The following GGA2 variants were observed in gnomAD, a reference collection of about 807,000 sequenced individuals.
GGA2 encodes ADP-ribosylation factor-binding protein GGA2.
Under a neutral mutation model 79.5 loss-of-function variants are expected in GGA2, and 48 were observed. The ratio of observed to expected loss-of-function variants is 0.60; its 90% CI spans 0.48 to 0.77. The LOEUF is 0.77. Among genes scored for constraint, GGA2 ranks in the 30% least tolerant of loss-of-function variants. The pLI, the probability that GGA2 is intolerant of heterozygous loss-of-function variation, is 0.00. For synonymous variants in GGA2, 317 were observed against 302.0 expected (o/e 1.05, Z -0.51); for missense variants, 770 against 774.0 (o/e 0.99, Z 0.06).
Position 23,510,384 on chromosome 16 carries a change from C to T in GGA2, c.28G>A (p.Val10Met). 7.1e-7 allele frequency: 1 copy of T among 1,407,614 alleles called. No individual in the cohort carries two copies. The highest frequency in any genetic ancestry group is 9.3e-7 in the Non-Finnish European group (1 of 1,079,532). The allele number at this position is 1,407,614 out of a possible 1,614,324, so 87.2% of individuals were successfully genotyped here. A position where few individuals can be genotyped will look rare whatever the true frequency, so the allele number is the denominator to read the frequency against. MAATAVAAA[V>M]AGTESAQGPP... Reference sequence around the variant, plus strand: ...CCCTGGGCCGACTCGGTTCCCGCCACAGCCGCCGCCACCGCGGTCGCCGCC... The same window carrying T: ...CCCTGGGCCGACTCGGTTCCCGCCATAGCCGCCGCCACCGCGGTCGCCGCC... The change falls in exon 1 of 17, where the codon GTG (valine) becomes ATG (methionine). Residue 10 changes from valine to methionine, a missense_variant. By Grantham distance (21) the Val-to-Met change is conservative. Transcript: ENST00000309859.
chr16:23,488,591 G>T lies in GGA2; in HGVS notation c.579+15C>A. ...AAAAGGTCTGATCAGACACCATGTAGGTCTGTTTCCTTACCTTGGACTTTT... is the reference window on the plus strand; with the variant it reads ...AAAAGGTCTGATCAGACACCATGTATGTCTGTTTCCTTACCTTGGACTTTT... On this transcript the variant is annotated intron_variant, in intron 6 of 16. Transcript: ENST00000309859. The T allele has an allele frequency of 2.1e-6, 3 of 1,407,016 alleles. No individual in the cohort carries two copies. The highest frequency in any genetic ancestry group is 3.0e-6 in the Non-Finnish European group (3 of 990,998). 87.2% of individuals were successfully genotyped at this position (1,407,016 alleles called of 1,614,324 possible). A position where few individuals can be genotyped will look rare whatever the true frequency, so the allele number is the denominator to read the frequency against.
At chr16:23,501,525 G>C in intron 1 of GGA2, 2 of 351,530 alleles carry the variant, frequency 5.7e-6, no homozygotes, top group South Asian at 4.5e-5. Flanking sequence ...TTTCTATTTA[G>C]TTTTCCTCAC....
intron 2 of GGA2, among the ~76,000 whole-genome samples, chr16:23,516,836 T>C (rs1163222040): frequency 6.6e-6 from 1 of 152,106 alleles, no homozygotes; most frequent in Non-Finnish European, 1.5e-5. Context: ...ACTTAGGAGT[T>C]TCCTTGCTGT....
chr16:23,491,850 AC>A (rs1324670763), intron 4 of GGA2, 50 bp from the exon 5 acceptor site: 1 of 1,335,750 alleles, frequency 7.5e-7, no homozygotes. Context: ...GACTTGGGAG[AC>A]CGACACTTTA....
chr16:23,474,062 A>C (rs1443300697), intron 14 of GGA2, among the ~76,000 whole-genome samples: 6 of 152,008 alleles, frequency 3.9e-5, no homozygotes, highest in Non-Finnish European at 8.8e-5. Context: ...GACGGTAGGC[A>C]CCTTAATTAG....
upstream of GGA2, among the ~76,000 whole-genome samples, chr16:23,512,452 C>T (rs1328812095): frequency 1.3e-5 from 2 of 152,136 alleles, no homozygotes; most frequent in African/African-American, 4.8e-5. Context: ...CTTCTTAGAC[C>T]ATAGGTACGT....
At chr16:23,500,285 A>G (rs1180348684) in intron 1 of GGA2, among the ~76,000 whole-genome samples, 1 of 152,210 alleles carries the variant, frequency 6.6e-6, no homozygotes, top group Non-Finnish European at 1.5e-5. Context: ...CTTGGAAGCA[A>G]GGGAAGGCCC....
At chr16:23,485,669 C>G (rs1280572935) in intron 8 of GGA2, among the ~76,000 whole-genome samples, 2 of 152,174 alleles carry the variant, frequency 1.3e-5, no homozygotes, top group East Asian at 1.9e-4. Flanking sequence ...CGGGACAGTA[C>G]CCGGCAATAA....
Position 23,495,063 on chromosome 16 carries a change from G to A in GGA2, c.176+631C>T, listed in dbSNP as rs1372910749. Among the ~76,000 whole-genome samples the A allele has an allele frequency of 4.0e-5, 6 of 148,254 alleles. No homozygotes were observed. In the Admixed American group the frequency reaches 4.1e-4, roughly 10 times the overall value. ...TCGTGCCCTTGCACTCCAGTCTTGAGACACTCTGTCTCAGGAAAAAAAAAA... is the reference window on the plus strand; with the variant it reads ...TCGTGCCCTTGCACTCCAGTCTTGAAACACTCTGTCTCAGGAAAAAAAAAA... On this transcript the variant is annotated intron_variant, in intron 2 of 16. Coordinates refer to ENST00000309859, the MANE Select transcript of GGA2 (RefSeq NM_015044.4).
chr16:23,510,990 T>A (rs1408229032), upstream of GGA2, among the ~76,000 whole-genome samples: 1 of 126,924 alleles, frequency 7.9e-6, no homozygotes, highest in Non-Finnish European at 1.7e-5. Flanking sequence ...GGTCTCGAAC[T>A]CCTGGTGTTA....
At chr16:23,478,160 C>G (rs1964598349) in intron 13 of GGA2, among the ~76,000 whole-genome samples, 1 of 146,362 alleles carries the variant, frequency 6.8e-6, no homozygotes. Context: ...GATTGTGCCA[C>G]TGCACTCTAG....
At chr16:23,474,361 C>CT (rs758060139) in intron 14 of GGA2, among the ~76,000 whole-genome samples, 146 of 145,776 alleles carry the variant, frequency 1.0e-3, no homozygotes, top group East Asian at 3.0e-3. Context: ...AAGAAGCAAA[C>CT]TTTTTTTTTT....
At chr16:23,523,767 G>T (rs1272759963), upstream of GGA2, 3 of 152,328 alleles carry the variant, frequency 2.0e-5, no homozygotes, top group Admixed American at 1.3e-4. Context: ...ACTTAAATGA[G>T]GCTGGTTAAA....
chr16:23,491,808 TA>T lies in GGA2; in HGVS notation c.352-9del. On this transcript the variant is annotated splice_polypyrimidine_tract_variant and intron_variant, in intron 4 of 16. Coordinates refer to ENST00000309859, the MANE Select transcript of GGA2 (RefSeq NM_015044.4). ...GGCCCAGGACCCCAGGTACTGAAAG[TA>T]AAAAGGAAAGAGAATTCTAGAGCTG... The T allele has an allele frequency of 6.2e-7, 1 of 1,601,564 alleles. No individual in the cohort carries two copies. The highest frequency in any genetic ancestry group is 8.5e-7 in the Non-Finnish European group (1 of 1,169,804).
Position 23,465,596 on chromosome 16 carries a change from CATT to C in GGA2, c.*1991_*1993del, listed in dbSNP as rs1333398330. ...AAAACCCTTCAGAGGGAGATGCTGT[CATT>C]ATGATGGGTACCTCTTCAAGACTAC... On this transcript the variant is annotated 3_prime_UTR_variant, in exon 17 of 17. Coordinates refer to ENST00000309859, the MANE Select transcript of GGA2 (RefSeq NM_015044.4). 11 of 598,392 alleles carry C rather than the reference CATT, an allele frequency of 1.8e-5. No homozygotes were observed. The African/African-American group carries it at 1.9e-4, about 10-fold the overall frequency. The allele number at this position is 598,392 out of a possible 1,614,324, so 37.1% of individuals were successfully genotyped here.
In GGA2 at chr16:23,472,382, G is replaced by C. The variant is rs142462535; in HGVS notation, c.1451-2217C>G. 8.2e-3 allele frequency among the ~76,000 whole-genome samples: 1,245 copies of C among 151,508 alleles called. 13 individuals carry two copies. Among genetic ancestry groups the C allele is most frequent in the Admixed American group, 0.014 (208 of 15,208 alleles). ...CTAATTTTTTTTGTAGTTTTTAGTA[G>C]AGACAGGGTTTCACCATGTTGGCCA... On this transcript the variant is annotated intron_variant, in intron 14 of 16. Transcript: ENST00000309859.
chr16:23,469,611 T>C (rs1368425328), intron 15 of GGA2: 1 of 158,092 alleles, frequency 6.3e-6, no homozygotes, highest in Non-Finnish European at 1.4e-5. Context: ...ACAAGCCCAA[T>C]CAGAGCCCTT....
chr16:23,500,724 G>C (rs1164446732), intron 1 of GGA2, among the ~76,000 whole-genome samples: 1 of 152,268 alleles, frequency 6.6e-6, no homozygotes, highest in Non-Finnish European at 1.5e-5. Context: ...CGCAGGCGGA[G>C]GTGGCAGTAG....
chr16:23,475,943 GAAAAAAAC>G (rs1326216868), intron 13 of GGA2, among the ~76,000 whole-genome samples: 1 of 67,206 alleles, frequency 1.5e-5, no homozygotes, highest in Admixed American at 1.6e-4. Context: ...AAAAAAAAAA[GAAAAAAAC>G]AAAAGCACTT....
Sources: gnomAD v4.1 joint callset for allele counts (sites outside exome capture counted in the v4.1 genomes callset) on GRCh38, gnomAD v4.1.1 for gene constraint, MANE v1.5 for transcripts, NCBI Gene and HGNC (gene_info 2026-07-23, HGNC 2026-07-21) for gene names.